MPRIP: variants seen among roughly 807,000 people sequenced by gnomAD.
MPRIP encodes the protein myosin phosphatase Rho interacting protein, also known as myosin phosphatase Rho-interacting protein.
In MPRIP, 59 loss-of-function variants were observed where a neutral mutation model predicts 234.9. That is an observed-to-expected ratio of 0.25 (90% confidence interval 0.20 to 0.31). The LOEUF is 0.31. Ranked by LOEUF, MPRIP falls within the 10% of genes least tolerant of loss-of-function variation. The probability of loss-of-function intolerance (pLI) is 1.00; values close to 1 mark genes in which losing one functional copy is unlikely to be tolerated. For synonymous variants in MPRIP, 1,144 were observed against 1,263.9 expected (o/e 0.91, Z 2.01); for missense variants, 2,436 against 3,071.0 (o/e 0.79, Z 4.89).
chr17:17,080,230 C>T (rs2089431410), intron 3 of MPRIP, among the ~76,000 whole-genome samples: 1 of 152,218 alleles, frequency 6.6e-6, no homozygotes, highest in African/African-American at 2.4e-5. Flanking sequence ...CAAGGAGGCA[C>T]TTAGGGTAGA....
At chr17:17,137,722 T>G (rs969862149) in intron 6 of MPRIP, among the ~76,000 whole-genome samples, 194 bp from the exon 7 acceptor site, 1 of 152,066 alleles carries the variant, frequency 6.6e-6, no homozygotes. Flanking sequence ...GAAAAAAGCA[T>G]GCACGAAATA....
Position 17,184,921 on chromosome 17 carries a change from G to A in MPRIP, c.*27G>A, listed in dbSNP as rs780582701. ...TGTGTCCCATCCAAGTTGAGCACGC[G>A]CCTTCCCCAGCTTGCAGCAGCACAC... On this transcript the variant is annotated 3_prime_UTR_variant, in exon 24 of 24. Transcript: ENST00000651222. 9.7e-6 allele frequency: 15 copies of A among 1,538,944 alleles called. No individual in the cohort carries two copies. The highest frequency in any genetic ancestry group is 2.7e-5 in the African/African-American group (2 of 73,296).
At chr17:17,113,396 T>G (rs1308373577) in intron 3 of MPRIP, among the ~76,000 whole-genome samples, 1 of 152,262 alleles carries the variant, frequency 6.6e-6, no homozygotes, top group Non-Finnish European at 1.5e-5. Flanking sequence ...TCATACAGTA[T>G]CTATCCTTTT....
Position 17,172,788 on chromosome 17 carries a change from A to T in MPRIP, c.6563A>T (p.Asp2188Val). The change falls in exon 18 of 24, where the codon GAT (aspartate) becomes GTT (valine). Residue 2188 changes from aspartate (D) to valine (V), a missense_variant. Asp to Val is a radical substitution (Grantham distance 152). Around this residue, in one of 4 missense-constraint regions of MPRIP, gnomAD observed 1,998 missense variants for 2,520.3 expected, o/e 0.79. Coordinates refer to ENST00000651222, the MANE Select transcript of MPRIP (RefSeq NM_001364716.4). ...QRSQISSVNSDVEALRRQYLE... is the reference protein window; with the variant it reads ...QRSQISSVNSVVEALRRQYLE... The stretch of plus-strand genomic sequence containing the variant: ...TCCCAGATCAGCAGCGTCAACTCGG[A>T]TGTTGAGGCCCTGCGGCGCCAGTAC... The T allele has an allele frequency of 6.2e-7, 1 of 1,612,490 alleles. No homozygotes were observed. The highest frequency in any genetic ancestry group is 8.5e-7 in the Non-Finnish European group (1 of 1,179,980).
intron 3 of MPRIP, among the ~76,000 whole-genome samples, chr17:17,116,859 C>T (rs2144326424): frequency 6.6e-6 from 1 of 152,346 alleles, no homozygotes; most frequent in East Asian, 1.9e-4. Context: ...CTCTGGTGCT[C>T]CCCAGGGCCC....
At chr17:17,094,397 T>A (rs1189658138) in intron 3 of MPRIP, among the ~76,000 whole-genome samples, 1 of 152,218 alleles carries the variant, frequency 6.6e-6, no homozygotes. Context: ...GCAAATAAAC[T>A]GAATTTTCCT....
chr17:17,096,594 T>A (rs2089851097), intron 3 of MPRIP, among the ~76,000 whole-genome samples: 1 of 152,106 alleles, frequency 6.6e-6, no homozygotes, highest in Non-Finnish European at 1.5e-5. Flanking sequence ...CATTTACTGA[T>A]GGGGCCCAAT....
intron 1 of MPRIP, among the ~76,000 whole-genome samples, chr17:17,059,233 G>T (rs1292505446): frequency 6.6e-6 from 1 of 152,162 alleles, no homozygotes; most frequent in Non-Finnish European, 1.5e-5. Context: ...AAGACAGCTG[G>T]GTTCTCAGAG....
rs781462045 is a variant in MPRIP at position 17,166,768 on chromosome 17, A to C, written c.5177A>C (p.Gln1726Pro). ...CCAGACTTTGAAAGAGTGATGCAGCAGGTCTTGGAAGCCCTCAGGCTTCCA... is the reference window on the plus strand; with the variant it reads ...CCAGACTTTGAAAGAGTGATGCAGCCGGTCTTGGAAGCCCTCAGGCTTCCA... ...QTPDFERVMQQVLEALRLPAG... is the reference protein window; with the variant it reads ...QTPDFERVMQPVLEALRLPAG... The change falls in exon 16 of 24, where the codon CAG (glutamine) becomes CCG (proline). Residue 1726 changes from glutamine to proline, a missense_variant. Gln to Pro is a moderately conservative substitution (Grantham distance 76). Around this residue, in one of 4 missense-constraint regions of MPRIP, gnomAD observed 1,998 missense variants for 2,520.3 expected, o/e 0.79. Coordinates refer to ENST00000651222, the MANE Select transcript of MPRIP (RefSeq NM_001364716.4). This position sits in a 1 kb window ranked among gnomAD's most constrained non-coding sequence, Gnocchi z 4.4. 3.2e-5 allele frequency: 42 copies of C among 1,304,224 alleles called. No individual in the cohort carries two copies. The East Asian group carries it at 2.2e-3, about 67-fold the overall frequency. 80.8% of individuals were successfully genotyped at this position (1,304,224 alleles called of 1,614,324 possible).
intron 7 of MPRIP, 176 bp from the exon 8 acceptor site, chr17:17,142,451 C>T (rs1042979571): frequency 1.2e-4 from 77 of 651,132 alleles, no homozygotes; most frequent in Admixed American, 4.7e-4. Flanking sequence ...GAGGGAGGGC[C>T]GTGGAGGGGT....
At position 17,108,701 on chromosome 17, in the gene MPRIP, G is replaced by C. The variant is rs139831280; in HGVS notation, c.268-18001G>C. ...GTAGATCCCTCAGGGGTGACCGGGA[G>C]GGTGCTGGGGGTGGGGCCGGGTGAA... is the stretch of plus-strand genomic sequence containing the variant. On this transcript the variant is annotated intron_variant, in intron 3 of 23. Coordinates refer to ENST00000651222, the MANE Select transcript of MPRIP (RefSeq NM_001364716.4). Among the ~76,000 whole-genome samples the C allele has an allele frequency of 6.3e-3, 963 of 152,344 alleles. 5 individuals are homozygous for C. Among genetic ancestry groups the C allele is most frequent in the African/African-American group, 0.021 (890 of 41,578 alleles).
chr17:17,115,804 A>G (rs1161297809), intron 3 of MPRIP, among the ~76,000 whole-genome samples: 1 of 152,090 alleles, frequency 6.6e-6, no homozygotes, highest in African/African-American at 2.4e-5. Context: ...TCATTGGCCC[A>G]AGGCTGGGGT....
intron 1 of MPRIP, among the ~76,000 whole-genome samples, chr17:17,059,505 C>T (rs2088807919): frequency 6.6e-6 from 1 of 152,216 alleles, no homozygotes; most frequent in Non-Finnish European, 1.5e-5. Context: ...TGCGCCGCTG[C>T]CTTGGGGCCT....
intron 1 of MPRIP, among the ~76,000 whole-genome samples, chr17:17,062,527 G>A (rs957527481): frequency 7.2e-5 from 11 of 152,208 alleles, no homozygotes; most frequent in African/African-American, 2.7e-4. Flanking sequence ...TATCTGCAGG[G>A]CCTTGAGTGG....
At chr17:17,127,799 A>G (rs2090521671) in intron 4 of MPRIP, among the ~76,000 whole-genome samples, 1 of 152,220 alleles carries the variant, frequency 6.6e-6, no homozygotes, top group Admixed American at 6.5e-5. Context: ...GATGACTCGG[A>G]GCACCAGCCT....
intron 7 of MPRIP, among the ~76,000 whole-genome samples, chr17:17,140,628 C>T (rs957952555): frequency 6.6e-6 from 1 of 152,218 alleles, no homozygotes; most frequent in Non-Finnish European, 1.5e-5. Context: ...AGCCAGACTG[C>T]TGGGACCACA....
chr17:17,177,471 G>A lies in MPRIP; in HGVS notation c.7120+59G>A, dbSNP rs878857232. 1.8e-4 allele frequency: 283 copies of A among 1,564,610 alleles called. 4 individuals carry two copies. In the Admixed American group the frequency reaches 2.5e-3, roughly 14 times the overall value. On this transcript the variant is annotated intron_variant, in intron 22 of 23. Coordinates refer to ENST00000651222, the MANE Select transcript of MPRIP (RefSeq NM_001364716.4). The stretch of plus-strand genomic sequence containing the variant: ...CTGGGGGGCTTATGGGGGTTTGGTC[G>A]TAGAGGTTTCCCGGTGCTTGACTTG...
rs533431989 is a variant in MPRIP at position 17,054,150 on chromosome 17, CAAGT to C, written c.123+11183_123+11186del. On this transcript the variant is annotated intron_variant, in intron 1 of 23. Transcript: ENST00000651222. ...TACATTTCAGGAAGATGAATAAAAA[CAAGT>C]AAGATCATTATCTATACAAGTTTTG... Among the ~76,000 whole-genome samples, 160 of 152,210 alleles carry C rather than the reference CAAGT, an allele frequency of 1.1e-3. No individual in the cohort carries two copies. In the Middle Eastern group the frequency reaches 0.014, roughly 13 times the overall value.
At chr17:17,163,959 T>A (rs1342712971) in intron 15 of MPRIP, 150 bp from the exon 16 acceptor site, 4 of 448,008 alleles carry the variant, frequency 8.9e-6, no homozygotes, top group Non-Finnish European at 1.4e-5. Flanking sequence ...TTTGTTGGAT[T>A]TTTTTAATGG....
Sources: allele counts gnomAD v4.1 joint callset (sites outside exome capture counted in the v4.1 genomes callset), GRCh38; gene constraint gnomAD v4.1.1; regional missense constraint gnomAD v4.1.1; non-coding constraint Gnocchi (gnomAD v3.1); transcripts MANE v1.5; gene names NCBI Gene and HGNC (gene_info 2026-07-23, HGNC 2026-07-21).